The following POLN variants were observed in gnomAD, a reference collection of about 807,000 sequenced individuals.
The protein encoded by POLN is DNA polymerase N.
In POLN, 108 loss-of-function variants were observed where a neutral mutation model predicts 113.5. The ratio of observed to expected loss-of-function variants is 0.95; its 90% CI spans 0.81 to 1.12. The LOEUF (loss-of-function observed/expected upper bound fraction) is 1.12, where lower values mean the gene tolerates loss of function less well. Among genes scored for constraint, POLN ranks in the 50% most tolerant of loss-of-function variants. The pLI, the probability that POLN is intolerant of heterozygous loss-of-function variation, is 0.00. For missense variants in POLN, 1,097 were observed against 1,077.1 expected (o/e 1.02, Z -0.26); for synonymous variants, 386 against 391.5 (o/e 0.99, Z 0.17).
intron 2 of POLN, chr4:2,240,937 C>T (rs763377769): frequency 6.3e-7 from 1 of 1,594,710 alleles, no homozygotes; most frequent in Non-Finnish European, 8.5e-7. Flanking sequence ...AACTCATTTC[C>T]ACAACTCATG....
chr4:2,167,099 T>C (rs2108745418), intron 13 of POLN, among the ~76,000 whole-genome samples: 1 of 152,268 alleles, frequency 6.6e-6, no homozygotes, highest in African/African-American at 2.4e-5. Context: ...TAGTGTTTGC[T>C]GAATAAAACA....
At chr4:2,096,057 C>T (rs897183867) in intron 19 of POLN, 124 bp from the exon 20 acceptor site, 15 of 818,296 alleles carry the variant, frequency 1.8e-5, no homozygotes, top group Middle Eastern at 4.4e-4. Flanking sequence ...TCATGGTGGC[C>T]GGCACACTGG....
At chr4:2,133,982 TC>T (rs556094853) in intron 16 of POLN, among the ~76,000 whole-genome samples, 116 of 152,352 alleles carry the variant, frequency 7.6e-4, no homozygotes, top group Middle Eastern at 3.4e-3. Context: ...CCCTAAACGA[TC>T]CCCGGAGCTT....
chr4:2,201,347 T>TA (rs201480824), intron 5 of POLN, among the ~76,000 whole-genome samples: 14 of 74,530 alleles, frequency 1.9e-4, no homozygotes, highest in South Asian at 1.6e-3. Context: ...ATGGCATATA[T>TA]AAAAAAAAAT....
chr4:2,113,284 C>T (rs1394257148), intron 19 of POLN, among the ~76,000 whole-genome samples: 8 of 149,470 alleles, frequency 5.4e-5, no homozygotes, highest in African/African-American at 2.0e-4. Context: ...ATACCTAATG[C>T]TAAATGACGA....
At chr4:2,073,929 C>T (rs1029437043) in intron 24 of POLN, among the ~76,000 whole-genome samples, 1 of 152,216 alleles carries the variant, frequency 6.6e-6, no homozygotes, top group Non-Finnish European at 1.5e-5. Flanking sequence ...GAGCTGTCGG[C>T]CAGCAGGTGG....
At chr4:2,146,064 C>T (rs1732130963) in intron 16 of POLN, among the ~76,000 whole-genome samples, 3 of 151,496 alleles carry the variant, frequency 2.0e-5, no homozygotes, top group South Asian at 2.1e-4. Flanking sequence ...GACAATCTAT[C>T]ATTTAAGGAA....
chr4:2,073,239 C>T (rs1730195200), intron 24 of POLN, among the ~76,000 whole-genome samples: 1 of 152,238 alleles, frequency 6.6e-6, no homozygotes, highest in South Asian at 2.1e-4. Flanking sequence ...GTCCAGCTCC[C>T]CCGGCCCCAT....
At chr4:2,117,414 T>C (rs1216051866) in intron 19 of POLN, among the ~76,000 whole-genome samples, 1 of 152,230 alleles carries the variant, frequency 6.6e-6, no homozygotes, top group East Asian at 1.9e-4. Flanking sequence ...CAGAATATAT[T>C]TATCCCCTCA....
At chr4:2,096,050 T>C (rs940627508) in intron 19 of POLN, 117 bp from the exon 20 acceptor site, 12 of 869,172 alleles carry the variant, frequency 1.4e-5, no homozygotes, top group Non-Finnish European at 2.1e-5. Flanking sequence ...TATGCTTTCA[T>C]GGTGGCCGGC....
intron 4 of POLN, among the ~76,000 whole-genome samples, chr4:2,209,782 C>T (rs982313342): frequency 3.3e-5 from 5 of 150,250 alleles, no homozygotes; most frequent in Admixed American, 3.3e-4. Flanking sequence ...CCACCTCAGC[C>T]TCCCATGTAG....
chr4:2,202,723 CAAAAAAAAAA>C (rs34712930), intron 5 of POLN, among the ~76,000 whole-genome samples: 7 of 36,850 alleles, frequency 1.9e-4, no homozygotes, highest in African/African-American at 3.0e-4. Flanking sequence ...GACTCTGTCT[CAAAAAAAAAA>C]AAAAAAAAAA....
chr4:2,155,893 G>A (rs1732411177), intron 16 of POLN, among the ~76,000 whole-genome samples: 3 of 152,058 alleles, frequency 2.0e-5, no homozygotes, highest in South Asian at 4.2e-4. Context: ...GGAGTGCAGT[G>A]GCGTTATCTC....
chr4:2,163,214 C>A (rs618262), intron 13 of POLN, among the ~76,000 whole-genome samples: 128,182 of 152,126 alleles, frequency 0.84, 55,184 homozygotes, highest in Non-Finnish European at 0.94. Flanking sequence ...TAACAGTGGG[C>A]GGTATCTTGC....
chr4:2,225,460 C>G (rs1050016596), intron 3 of POLN, among the ~76,000 whole-genome samples: 35 of 151,520 alleles, frequency 2.3e-4, no homozygotes, highest in African/African-American at 8.3e-4. Flanking sequence ...GAGGCTGTGG[C>G]AGGAGAATCC....
chr4:2,188,036 A>G (rs1733323148), intron 7 of POLN, among the ~76,000 whole-genome samples: 1 of 152,204 alleles, frequency 6.6e-6, no homozygotes, highest in African/African-American at 2.4e-5. Context: ...GGATCACTTC[A>G]GCCCAGGAAT....
chr4:2,093,680 G>A lies in POLN; in HGVS notation c.2065+2171C>T, dbSNP rs1361278300. Among the ~76,000 whole-genome samples, 2 of 152,212 alleles carry A rather than the reference G, an allele frequency of 1.3e-5. No individual in the cohort carries two copies. On this transcript the variant is annotated intron_variant, in intron 20 of 25. Coordinates refer to ENST00000511885, the MANE Select transcript of POLN (RefSeq NM_181808.4). This position sits in a 1 kb window ranked among gnomAD's most constrained non-coding sequence, Gnocchi z 4.1. ...GCCTTCCCCCAAGACAGAGGCCCCA[G>A]GGAGGTTCAGGGGTGCAGCACAGAA...
intron 5 of POLN, among the ~76,000 whole-genome samples, chr4:2,199,967 G>GGTGGCCGGGCGCGGTGGCTCACGCCT (rs1733671345): frequency 6.6e-6 from 1 of 151,998 alleles, no homozygotes; most frequent in Admixed American, 6.6e-5. Context: ...AAAAATGAAA[G>GGTGGCCGGGCGCGGTGGCTCACGCCT]GTAAAGCAAG....
At chr4:2,130,524 TAAAAG>T (rs1731700074) in intron 17 of POLN, among the ~76,000 whole-genome samples, 1 of 152,222 alleles carries the variant, frequency 6.6e-6, no homozygotes, top group South Asian at 2.1e-4. Flanking sequence ...CAGAATAGCT[TAAAAG>T]AAAGAAGAGT....
Sources: gnomAD v4.1 joint callset for allele counts (sites outside exome capture counted in the v4.1 genomes callset) on GRCh38, gnomAD v4.1.1 for gene constraint, Gnocchi (gnomAD v3.1) non-coding constraint, MANE v1.5 for transcripts, NCBI Gene and HGNC (gene_info 2026-07-23, HGNC 2026-07-21) for gene names.